Variants in RIMS1 observed in about 807,000 individuals in gnomAD.
The protein encoded by RIMS1 is regulating synaptic membrane exocytosis 1, also known as regulating synaptic membrane exocytosis protein 1.
RIMS1 carries 83 observed loss-of-function variants against 214.1 expected under a neutral mutation model. That is an observed-to-expected ratio of 0.39 (90% CI 0.32 to 0.47). The LOEUF (loss-of-function observed/expected upper bound fraction) is 0.47. RIMS1 is among the 20% of genes least tolerant of loss of function. The pLI is 0.99. For synonymous variants in RIMS1, 793 were observed against 786.8 expected (o/e 1.01, Z -0.13); for missense variants, 2,050 against 2,161.8 (o/e 0.95, Z 1.03).
intron 2 of RIMS1, among the ~76,000 whole-genome samples, chr6:71,995,320 C>G (rs143409009): frequency 3.3e-5 from 5 of 152,180 alleles, no homozygotes; most frequent in African/African-American, 1.2e-4. Context: ...ATTTCTGCCT[C>G]AGACTATATT....
At chr6:71,947,813 CAATT>C (rs1218273258) in intron 1 of RIMS1, among the ~76,000 whole-genome samples, 8 of 151,792 alleles carry the variant, frequency 5.3e-5, no homozygotes, top group South Asian at 2.1e-4. Flanking sequence ...TTATACTTGT[CAATT>C]AAAAATAAAA....
At chr6:72,156,452 T>C (rs2044455456) in intron 4 of RIMS1, among the ~76,000 whole-genome samples, 1 of 140,154 alleles carries the variant, frequency 7.1e-6, no homozygotes, top group Non-Finnish European at 1.6e-5. Context: ...AGAAGAATGA[T>C]TACTAGGCAG....
chr6:72,318,833 C>T (rs1441472362), intron 28 of RIMS1, among the ~76,000 whole-genome samples: 1 of 152,062 alleles, frequency 6.6e-6, no homozygotes, highest in South Asian at 2.1e-4. Flanking sequence ...TTTTAGTTCT[C>T]GTTTGGTTTT....
intron 2 of RIMS1, among the ~76,000 whole-genome samples, chr6:72,004,705 T>G (rs1170607745): frequency 1.3e-5 from 2 of 151,814 alleles, no homozygotes; most frequent in African/African-American, 4.8e-5. Flanking sequence ...TTGCCCACTT[T>G]TTGATGGGGT....
chr6:72,032,606 C>T (rs919454228), intron 2 of RIMS1, among the ~76,000 whole-genome samples: 4 of 152,140 alleles, frequency 2.6e-5, no homozygotes, highest in Admixed American at 6.6e-5. Context: ...AATCAGATTT[C>T]ACCCCCACTC....
At chr6:72,389,379 G>A (rs2098665809) in intron 29 of RIMS1, among the ~76,000 whole-genome samples, 2 of 151,932 alleles carry the variant, frequency 1.3e-5, no homozygotes, top group Non-Finnish European at 2.9e-5. Context: ...AAAAGGTTAA[G>A]AACAATAAAA....
intron 9 of RIMS1, among the ~76,000 whole-genome samples, chr6:72,238,800 T>C (rs1033744686): frequency 6.6e-6 from 1 of 152,154 alleles, no homozygotes; most frequent in Non-Finnish European, 1.5e-5. Context: ...TATTCTTAAC[T>C]TTTAAACCTT....
At chr6:71,920,639 G>T (rs1359230527) in intron 1 of RIMS1, among the ~76,000 whole-genome samples, 1 of 152,042 alleles carries the variant, frequency 6.6e-6, no homozygotes, top group Non-Finnish European at 1.5e-5. Context: ...TACAAATGAG[G>T]TATTATGTCC....
intron 28 of RIMS1, among the ~76,000 whole-genome samples, chr6:72,318,586 T>A (rs574088445): frequency 6.6e-6 from 1 of 152,324 alleles, no homozygotes; most frequent in South Asian, 2.1e-4. Context: ...TTAAACCATA[T>A]GTATTCTAGT....
At chr6:72,208,641 G>A (rs573621315) in intron 6 of RIMS1, among the ~76,000 whole-genome samples, 14 of 152,090 alleles carry the variant, frequency 9.2e-5, no homozygotes, top group Non-Finnish European at 7.4e-5. Flanking sequence ...CACTCAAAAG[G>A]TCTCCTGTAG....
At chr6:72,148,906 A>T (rs1472671736) in intron 4 of RIMS1, among the ~76,000 whole-genome samples, 1 of 151,990 alleles carries the variant, frequency 6.6e-6, no homozygotes, top group Non-Finnish European at 1.5e-5. Flanking sequence ...GCTAAGGTGA[A>T]GTTGTGGAAC....
At chr6:72,194,056 C>A (rs912561603) in intron 6 of RIMS1, among the ~76,000 whole-genome samples, 1 of 151,948 alleles carries the variant, frequency 6.6e-6, no homozygotes, top group Admixed American at 6.6e-5. Context: ...AAGATCTCTG[C>A]AAGGAGAACT....
chr6:72,013,189 G>T (rs534728134), intron 2 of RIMS1, among the ~76,000 whole-genome samples: 1 of 152,194 alleles, frequency 6.6e-6, no homozygotes, highest in South Asian at 2.1e-4. Flanking sequence ...TTTAGAGAAT[G>T]CCCAGAAAAT....
chr6:72,287,111 G>A (rs575988365), intron 24 of RIMS1, among the ~76,000 whole-genome samples: 6 of 152,122 alleles, frequency 3.9e-5, no homozygotes, highest in African/African-American at 1.4e-4. Context: ...CCATTCTAGT[G>A]ACTTTTCTTC....
chr6:71,922,125 T>C lies in RIMS1; in HGVS notation c.164+34938T>C, dbSNP rs141044403. On this transcript the variant is annotated intron_variant, in intron 1 of 33. Coordinates refer to ENST00000521978, the MANE Select transcript of RIMS1 (RefSeq NM_014989.7). ...TAATGCTGTTTTTACATTTCTTAGTTCTTCCTCAAGTCATTTTTCATTGTG... is the reference window on the plus strand; with the variant it reads ...TAATGCTGTTTTTACATTTCTTAGTCCTTCCTCAAGTCATTTTTCATTGTG... Among the ~76,000 whole-genome samples, 492 of 152,304 alleles carry C rather than the reference T, an allele frequency of 3.2e-3. 1 individual carries two copies. Among genetic ancestry groups the C allele is most frequent in the African/African-American group, 0.012 (478 of 41,560 alleles).
At chr6:71,976,237 T>C (rs1397761486) in intron 2 of RIMS1, among the ~76,000 whole-genome samples, 1 of 152,154 alleles carries the variant, frequency 6.6e-6, no homozygotes, top group Non-Finnish European at 1.5e-5. Flanking sequence ...TCTTTTATAT[T>C]ATGGACATCC....
chr6:72,139,892 AAATT>A (rs922372521), intron 4 of RIMS1, among the ~76,000 whole-genome samples: 6 of 152,176 alleles, frequency 3.9e-5, no homozygotes, highest in African/African-American at 1.4e-4. Flanking sequence ...TTCTAGCTTA[AAATT>A]AATTAAAGGC....
At chr6:72,152,719 A>AAT (rs10679501) in intron 4 of RIMS1, among the ~76,000 whole-genome samples, 70,345 of 116,058 alleles carry the variant, frequency 0.61, 23,710 homozygotes, top group East Asian at 0.86. Flanking sequence ...TATATATGTG[A>AAT]ATATATATAT....
intron 29 of RIMS1, among the ~76,000 whole-genome samples, chr6:72,358,234 T>A (rs889216100): frequency 1.3e-5 from 2 of 152,126 alleles, no homozygotes. Context: ...CAAAATATAA[T>A]TAAAGACTAT....
Sources: allele counts gnomAD v4.1 joint callset (sites outside exome capture counted in the v4.1 genomes callset), GRCh38; gene constraint gnomAD v4.1.1; transcripts MANE v1.5; gene names NCBI Gene and HGNC (gene_info 2026-07-23, HGNC 2026-07-21).